The following SORT1 variants were observed in gnomAD, a reference collection of about 807,000 sequenced individuals.
SORT1 encodes sortilin.
In SORT1, 39 loss-of-function variants were observed where a neutral mutation model predicts 101.7. The ratio of observed to expected loss-of-function variants is 0.38; its 90% confidence interval spans 0.30 to 0.50. The LOEUF (loss-of-function observed/expected upper bound fraction) is 0.50. Ranked by LOEUF, SORT1 falls within the 20% of genes least tolerant of loss-of-function variation. SORT1 has a pLI of 0.90. For synonymous variants in SORT1, 396 were observed against 393.7 expected, an observed-to-expected ratio of 1.01 and a Z score of -0.07; for missense variants, 878 against 1,040.4, an observed-to-expected ratio of 0.84 and a Z score of 2.15.
chr1:109,392,917 C>T (rs1409983859), intron 1 of SORT1: 3 of 985,104 alleles, frequency 3.0e-6, no homozygotes, highest in Non-Finnish European at 3.6e-6. Flanking sequence ...ACTCAAGAGA[C>T]TATTAAATAA....
intron 1 of SORT1, among the ~76,000 whole-genome samples, chr1:109,385,709 C>A (rs933670215): frequency 6.6e-6 from 1 of 152,114 alleles, no homozygotes; most frequent in Non-Finnish European, 1.5e-5. Flanking sequence ...TAGACCCAGG[C>A]CTTATGAACA....
At position 109,311,821 on chromosome 1, in the gene SORT1, C is replaced by G. The variant is rs897713854; in HGVS notation, c.*2222G>C. The G allele has an allele frequency of 6.6e-6, 1 of 152,436 alleles. No individual in the cohort carries two copies. The highest frequency in any genetic ancestry group is 1.5e-5 in the Non-Finnish European group (1 of 68,052). 9.4% of individuals were successfully genotyped at this position (152,436 alleles called of 1,614,324 possible). ...TCATCTACAAGAAGGCAGCCTTGCT[C>G]AAAGTGGTTAGCACTCGCATGTGTA... is the stretch of plus-strand genomic sequence containing the variant. On this transcript the variant is annotated 3_prime_UTR_variant, in exon 20 of 20. Coordinates refer to ENST00000256637, the MANE Select transcript of SORT1 (RefSeq NM_002959.7).
chr1:109,394,326 T>C (rs911652359), intron 1 of SORT1, among the ~76,000 whole-genome samples: 12 of 152,140 alleles, frequency 7.9e-5, no homozygotes, highest in African/African-American at 2.9e-4. Context: ...AAGCACTTAA[T>C]CATTAGGACT....
At chr1:109,330,255 A>C (rs956243610) in intron 11 of SORT1, among the ~76,000 whole-genome samples, 2 of 152,152 alleles carry the variant, frequency 1.3e-5, no homozygotes, top group Non-Finnish European at 2.9e-5. Context: ...AGCCTCCCAA[A>C]GTGCAAGGAT....
At chr1:109,364,696 T>C (rs1650966326) in intron 3 of SORT1, among the ~76,000 whole-genome samples, 1 of 152,204 alleles carries the variant, frequency 6.6e-6, no homozygotes, top group Non-Finnish European at 1.5e-5. Flanking sequence ...GTAGAAGACG[T>C]GGAGGCATCT....
At chr1:109,364,311 G>A (rs536473870) in intron 3 of SORT1, among the ~76,000 whole-genome samples, 2 of 152,288 alleles carry the variant, frequency 1.3e-5, no homozygotes, top group South Asian at 2.1e-4. Flanking sequence ...GTCTTAAGTT[G>A]TTGAGGCATT....
chr1:109,347,241 T>C (rs1300814456), intron 7 of SORT1, among the ~76,000 whole-genome samples: 2 of 152,262 alleles, frequency 1.3e-5, no homozygotes, highest in Non-Finnish European at 2.9e-5. Context: ...ATATTTGCTT[T>C]ACATAAATAC....
chr1:109,389,485 C>T (rs1176209707), intron 1 of SORT1, among the ~76,000 whole-genome samples: 1 of 152,208 alleles, frequency 6.6e-6, no homozygotes, highest in East Asian at 1.9e-4. Context: ...CTGTGTTCTA[C>T]TCCCAGCTCT....
chr1:109,367,329 C>T (rs1332447101), intron 3 of SORT1, 79 bp downstream of exon 3: 2 of 796,700 alleles, frequency 2.5e-6, no homozygotes, highest in Non-Finnish European at 2.1e-6. Context: ...CTGTTACGTG[C>T]CATCATGTCT....
intron 15 of SORT1, among the ~76,000 whole-genome samples, chr1:109,321,497 CA>C (rs1026943746): frequency 1.3e-5 from 2 of 152,138 alleles, no homozygotes; most frequent in Non-Finnish European, 2.9e-5. Flanking sequence ...TACAGTGTTA[CA>C]GGTTTATCGA....
intron 15 of SORT1, 70 bp from the exon 16 acceptor site, chr1:109,318,039 G>A (rs376624400): frequency 8.5e-6 from 8 of 938,062 alleles, no homozygotes; most frequent in Middle Eastern, 2.1e-4. Flanking sequence ...GCAATGAAGG[G>A]TTATGTGGGG....
chr1:109,393,886 T>C (rs970502473), intron 1 of SORT1, among the ~76,000 whole-genome samples: 2 of 151,608 alleles, frequency 1.3e-5, no homozygotes, highest in Non-Finnish European at 2.9e-5. Flanking sequence ...TACAATAATA[T>C]ACATATACGT....
chr1:109,348,434 T>C (rs1316901663), intron 6 of SORT1, among the ~76,000 whole-genome samples: 1 of 151,744 alleles, frequency 6.6e-6, no homozygotes, highest in African/African-American at 2.4e-5. Context: ...AAACCTTGCA[T>C]AGGATACAAA....
chr1:109,392,458 G>C (rs1652973049), intron 1 of SORT1: 2 of 239,624 alleles, frequency 8.3e-6, no homozygotes, highest in Admixed American at 1.3e-4. Flanking sequence ...ATCACAAAAA[G>C]AAAATAGCCA....
At chr1:109,393,011 G>C (rs184270625) in intron 1 of SORT1, 1 of 985,440 alleles carries the variant, frequency 1.0e-6, no homozygotes, top group Admixed American at 6.1e-5. Flanking sequence ...AAGTTCCGGG[G>C]CATTAAAGGA....
chr1:109,325,473 C>T (rs879474863), intron 13 of SORT1, among the ~76,000 whole-genome samples: 1 of 151,830 alleles, frequency 6.6e-6, no homozygotes, highest in African/African-American at 2.4e-5. Context: ...CTCCTGACCT[C>T]AGGTAATCTT....
At chr1:109,319,161 GT>G (rs1314804588) in intron 15 of SORT1, among the ~76,000 whole-genome samples, 3 of 152,276 alleles carry the variant, frequency 2.0e-5, no homozygotes, top group Non-Finnish European at 4.4e-5. Flanking sequence ...CCCCACTTCT[GT>G]TCCTCTTAGC....
chr1:109,382,867 T>C (rs533436845), intron 1 of SORT1, among the ~76,000 whole-genome samples: 22 of 152,298 alleles, frequency 1.4e-4, no homozygotes, highest in African/African-American at 4.6e-4. Context: ...CAAGCATTTA[T>C]TGCCTACCAT....
intron 1 of SORT1, among the ~76,000 whole-genome samples, chr1:109,381,945 G>T (rs995618631): frequency 3.9e-5 from 6 of 151,998 alleles, no homozygotes; most frequent in African/African-American, 9.7e-5. Context: ...TTATAGAATT[G>T]ATAGGGGTGC....
Sources: allele counts gnomAD v4.1 joint callset (sites outside exome capture counted in the v4.1 genomes callset), GRCh38; gene constraint gnomAD v4.1.1; transcripts MANE v1.5; gene names NCBI Gene and HGNC (gene_info 2026-07-23, HGNC 2026-07-21).